Variants in KCNU1 observed in about 807,000 individuals in gnomAD.
KCNU1 encodes the protein potassium calcium-activated channel subfamily U member 1.
A neutral mutation model predicts 126.8 loss-of-function variants in KCNU1; 93 were observed. That is an observed-to-expected ratio of 0.73 (90% CI 0.62 to 0.87). The LOEUF is 0.87. Ranked by LOEUF, KCNU1 falls within the 40% of genes least tolerant of loss-of-function variation. The pLI is 0.00. For missense variants in KCNU1, 1,330 were observed against 1,367.1 expected, an observed-to-expected ratio of 0.97 and a Z score of 0.43; for synonymous variants, 523 against 494.2, an observed-to-expected ratio of 1.06 and a Z score of -0.77.
chr8:36,856,004 G>C (rs2117307091), intron 18 of KCNU1, among the ~76,000 whole-genome samples: 2 of 152,128 alleles, frequency 1.3e-5, no homozygotes, highest in South Asian at 4.2e-4. Context: ...GAGGTTCTGG[G>C]TAGACACATA....
rs777329569 is a variant in KCNU1, at chr8:36,911,004, C to T, written c.2406C>T (p.Pro802=). 2 of 1,613,466 alleles carry T rather than the reference C, an allele frequency of 1.2e-6. No homozygotes were observed. Among genetic ancestry groups the T allele is most frequent in the Admixed American group, 3.3e-5 (2 of 59,980 alleles). Residue 802 remains proline (P), a synonymous_variant, in exon 22 of 27, where the codon CCC becomes CCT. Transcript: ENST00000399881. Reference sequence around the variant, plus strand: ...GCTCCATGTGTGCTGTCTTGTCCCCCCCACCCCAGCCATCAAGCAACCAGA... The same window carrying T: ...GCTCCATGTGTGCTGTCTTGTCCCCTCCACCCCAGCCATCAAGCAACCAGA... ...EQCSMCAVLS[P]PPQPSSNQTL...
At chr8:36,822,026 T>C (rs1407851893) in intron 10 of KCNU1, among the ~76,000 whole-genome samples, 4 of 151,968 alleles carry the variant, frequency 2.6e-5, no homozygotes, top group Non-Finnish European at 5.9e-5. Flanking sequence ...AGTTCAGGAG[T>C]GTCTGTATTC....
At chr8:36,840,723 A>C in intron 15 of KCNU1, 148 bp downstream of exon 15, 1 of 683,378 alleles carries the variant, frequency 1.5e-6, no homozygotes. Flanking sequence ...AGAAGTTTAC[A>C]GTTGGGATGG....
chr8:36,787,452 C>A, intron 2 of KCNU1, 27 bp downstream of exon 2: 1 of 1,582,810 alleles, frequency 6.3e-7, no homozygotes, highest in Non-Finnish European at 8.6e-7. Flanking sequence ...TGTTAGCTTG[C>A]TAACAAACTT....
At chr8:36,823,200 G>C (rs1430634026) in intron 10 of KCNU1, among the ~76,000 whole-genome samples, 1 of 152,112 alleles carries the variant, frequency 6.6e-6, no homozygotes, top group African/African-American at 2.4e-5. Flanking sequence ...GCCATTAAAA[G>C]TAATGCCAAA....
chr8:36,836,692 T>G lies in KCNU1; in HGVS notation c.1366-101T>G, dbSNP rs1423359794. 9 of 1,017,148 alleles carry G rather than the reference T, an allele frequency of 8.8e-6. No individual in the cohort carries two copies. The South Asian group carries it at 1.5e-4, about 17-fold the overall frequency. 63.0% of individuals were successfully genotyped at this position (1,017,148 alleles called of 1,614,324 possible). On this transcript the variant is annotated intron_variant, in intron 13 of 26. Transcript: ENST00000399881. The stretch of plus-strand genomic sequence containing the variant: ...TTTGTGTGCAAAAATGAAGAATATA[T>G]GATTTCAAGTAAATTTAAAAAAAGA...
rs185270769 is a variant in KCNU1, at chr8:36,928,814, G to A, written c.2737-2137G>A. 47 of 539,492 alleles carry A rather than the reference G, an allele frequency of 8.7e-5. No individual in the cohort carries two copies. The Admixed American group carries it at 9.3e-4, about 11-fold the overall frequency. The allele number at this position is 539,492 out of a possible 1,614,324, so 33.4% of individuals were successfully genotyped here. ...GAGCACATCATCTTCAGGAAGTATT[G>A]CTCAGTCTGATCTGAGGACAACCAG... On this transcript the variant is annotated intron_variant, in intron 24 of 26. Transcript: ENST00000399881.
intron 8 of KCNU1, among the ~76,000 whole-genome samples, chr8:36,814,651 T>C (rs1803843306): frequency 6.6e-6 from 1 of 152,214 alleles, no homozygotes; most frequent in African/African-American, 2.4e-5. Flanking sequence ...AGAAAACCTA[T>C]CTTCCTTCAT....
At chr8:36,802,206 C>G (rs1803338649) in intron 2 of KCNU1, among the ~76,000 whole-genome samples, 1 of 151,798 alleles carries the variant, frequency 6.6e-6, no homozygotes, top group Admixed American at 6.6e-5. Flanking sequence ...GTTGAAGCTC[C>G]TAGCCTCTTA....
At chr8:36,787,092 T>G (rs1802734474) in intron 1 of KCNU1, among the ~76,000 whole-genome samples, 1 of 152,012 alleles carries the variant, frequency 6.6e-6, no homozygotes, top group Non-Finnish European at 1.5e-5. Context: ...CAGAATTCAG[T>G]AGAAAAAAAG....
chr8:36,924,602 G>A (rs763215864), intron 24 of KCNU1, among the ~76,000 whole-genome samples: 3 of 152,196 alleles, frequency 2.0e-5, no homozygotes, highest in Non-Finnish European at 2.9e-5. Flanking sequence ...AGCCTTCACT[G>A]AGCTAGGGAG....
At chr8:36,912,953 CAAAAAAAAAAAAAAAA>C (rs71547665) in intron 22 of KCNU1, among the ~76,000 whole-genome samples, 1 of 37,364 alleles carries the variant, frequency 2.7e-5, no homozygotes, top group Non-Finnish European at 4.4e-5. Flanking sequence ...GGTGACAGAG[CAAAAAAAAAAAAAAAA>C]AAAAAAAAAA....
intron 1 of KCNU1, among the ~76,000 whole-genome samples, chr8:36,787,011 G>A (rs1802732379): frequency 6.6e-6 from 1 of 152,124 alleles, no homozygotes. Flanking sequence ...TCCCAATTCT[G>A]ATCATTGCAA....
At chr8:36,820,279 A>G (rs975231614) in intron 10 of KCNU1, among the ~76,000 whole-genome samples, 2 of 152,202 alleles carry the variant, frequency 1.3e-5, no homozygotes, top group African/African-American at 2.4e-5. Context: ...TTTTGCAGAA[A>G]TAGATAATTG....
chr8:36,840,172 G>A (rs998946961), intron 14 of KCNU1, among the ~76,000 whole-genome samples: 2 of 152,144 alleles, frequency 1.3e-5, no homozygotes. Context: ...CTGAAATCAG[G>A]ACTGGGTGAT....
intron 2 of KCNU1, among the ~76,000 whole-genome samples, chr8:36,803,160 A>C (rs2130401069): frequency 6.6e-6 from 1 of 152,328 alleles, no homozygotes; most frequent in African/African-American, 2.4e-5. Flanking sequence ...TAGGAATAAA[A>C]ACCTAGAAAT....
chr8:36,879,191 A>G (rs985402084), intron 19 of KCNU1, among the ~76,000 whole-genome samples: 18 of 114,978 alleles, frequency 1.6e-4, no homozygotes, highest in African/African-American at 2.6e-4. Context: ...GCATATATGT[A>G]TGTGTGTGTG....
rs1805830406 is a variant in KCNU1, at chr8:36,864,405, G to T, written c.1893G>T (p.Val631=). 6.4e-7 allele frequency: 1 copy of T among 1,565,558 alleles called. No individual in the cohort carries two copies. The highest frequency in any genetic ancestry group is 8.8e-7 in the Non-Finnish European group (1 of 1,136,306). Residue 631 remains valine, a splice_region_variant and synonymous_variant, in exon 19 of 27, where the codon GTG becomes GTT. Transcript: ENST00000399881. ...CKSRSRQHIT[V]PSVKRMKKCL... ...ACTGAGATTTCTATCCTATTGCAGT[G>T]CCATCGGTAAAGAGAATGAAAAAAT...
At chr8:36,854,003 T>C (rs544120268) in intron 18 of KCNU1, among the ~76,000 whole-genome samples, 1 of 152,324 alleles carries the variant, frequency 6.6e-6, no homozygotes, top group East Asian at 1.9e-4. Context: ...AAATTCTTTG[T>C]TGGCAGTTGT....
Sources: gnomAD v4.1 joint callset for allele counts (sites outside exome capture counted in the v4.1 genomes callset) on GRCh38, gnomAD v4.1.1 for gene constraint, MANE v1.5 for transcripts, NCBI Gene and HGNC (gene_info 2026-07-23, HGNC 2026-07-21) for gene names.